The following FGF1 variants were observed in gnomAD, a reference collection of about 807,000 sequenced individuals.
The protein encoded by FGF1 is fibroblast growth factor 1.
FGF1 carries 9 observed loss-of-function variants against 13.4 expected under a neutral mutation model. That is an observed-to-expected ratio of 0.67 (90% confidence interval 0.40 to 1.17). The LOEUF (loss-of-function observed/expected upper bound fraction) is 1.17. Among genes scored for constraint, FGF1 ranks in the 50% most tolerant of loss-of-function variants. The probability of loss-of-function intolerance (pLI) is 0.01; values close to 1 mark genes in which losing one functional copy is unlikely to be tolerated. For missense variants in FGF1, 156 were observed against 192.7 expected, an observed-to-expected ratio of 0.81 and a Z score of 1.13; for synonymous variants, 93 against 79.0, an observed-to-expected ratio of 1.18 and a Z score of -0.94.
chr5:142,628,277 G>A (rs1033728875), intron 1 of FGF1, among the ~76,000 whole-genome samples: 10 of 152,170 alleles, frequency 6.6e-5, no homozygotes, highest in East Asian at 1.9e-4. Flanking sequence ...TTGAGAGGCC[G>A]AGGCAGGCAG....
chr5:142,662,136 G>A (rs1378200814), intron 1 of FGF1, among the ~76,000 whole-genome samples: 1 of 152,178 alleles, frequency 6.6e-6, no homozygotes, highest in Non-Finnish European at 1.5e-5. Context: ...GGCTGAGGGA[G>A]GGGGAAGCGG....
chr5:142,643,254 G>A (rs1765480301), intron 1 of FGF1, among the ~76,000 whole-genome samples: 2 of 151,774 alleles, frequency 1.3e-5, no homozygotes, highest in African/African-American at 4.8e-5. Flanking sequence ...TAATTTAAAA[G>A]ACAGTATCAC....
At chr5:142,670,119 C>T (rs747995185) in intron 1 of FGF1, among the ~76,000 whole-genome samples, 2 of 152,202 alleles carry the variant, frequency 1.3e-5, no homozygotes, top group African/African-American at 2.4e-5. Flanking sequence ...TCATGCTTCT[C>T]AAGAAAGATC....
Position 142,594,303 on chromosome 5 carries a change from C to G in FGF1, c.*987G>C, listed in dbSNP as rs994115562. The stretch of plus-strand genomic sequence containing the variant: ...TGCCCCCAACCCACTGAATCAGAAT[C>G]TCCATTCAAACCAGGTCCCCAGATG... On this transcript the variant is annotated 3_prime_UTR_variant, in exon 4 of 4. Transcript: ENST00000337706. The G allele has an allele frequency of 3.3e-5, 5 of 152,296 alleles. No homozygotes were observed. The highest frequency in any genetic ancestry group is 1.2e-4 in the African/African-American group (5 of 41,448). 9.4% of individuals were successfully genotyped at this position (152,296 alleles called of 1,614,324 possible). A position where few individuals can be genotyped will look rare whatever the true frequency, so the allele number is the denominator to read the frequency against.
At chr5:142,606,460 CA>C (rs200473800) in intron 2 of FGF1, among the ~76,000 whole-genome samples, 11,050 of 133,832 alleles carry the variant, frequency 0.083, 557 homozygotes, top group African/African-American at 0.16. Context: ...ACTAAAAATA[CA>C]AAAAAAAAAA....
At chr5:142,667,882 C>T (rs909533657) in intron 1 of FGF1, among the ~76,000 whole-genome samples, 1 of 152,198 alleles carries the variant, frequency 6.6e-6, no homozygotes, top group Non-Finnish European at 1.5e-5. Flanking sequence ...GACTGTCTTC[C>T]CTTTCTCAAC....
intron 1 of FGF1, among the ~76,000 whole-genome samples, chr5:142,652,699 A>G (rs1483317430): frequency 6.6e-6 from 1 of 152,186 alleles, no homozygotes; most frequent in Non-Finnish European, 1.5e-5. Context: ...ACAGCACAGA[A>G]GCAGCCCAGT....
At chr5:142,599,793 A>G (rs1756090365) in intron 3 of FGF1, among the ~76,000 whole-genome samples, 1 of 152,180 alleles carries the variant, frequency 6.6e-6, no homozygotes, top group Non-Finnish European at 1.5e-5. Flanking sequence ...GGCAGGGAAC[A>G]TGGAGGATTT....
intron 1 of FGF1, among the ~76,000 whole-genome samples, chr5:142,643,504 A>G (rs1293850135): frequency 6.6e-6 from 1 of 152,184 alleles, no homozygotes; most frequent in Non-Finnish European, 1.5e-5. Context: ...GCTGCAACCT[A>G]GGAGGCAATA....
At chr5:142,675,347 G>C (rs1182724624) in intron 1 of FGF1, among the ~76,000 whole-genome samples, 1 of 152,152 alleles carries the variant, frequency 6.6e-6, no homozygotes, top group Non-Finnish European at 1.5e-5. Context: ...TGAGGGGAGT[G>C]TGGGGGCTGC....
At chr5:142,696,338 G>T (rs1181447185) in intron 2 of FGF1, among the ~76,000 whole-genome samples, 1 of 152,142 alleles carries the variant, frequency 6.6e-6, no homozygotes, top group Non-Finnish European at 1.5e-5. Flanking sequence ...CCTGCATCTA[G>T]CCCCCTTTGT....
chr5:142,655,015 C>T (rs1233715847), intron 1 of FGF1, among the ~76,000 whole-genome samples: 1 of 152,232 alleles, frequency 6.6e-6, no homozygotes, highest in African/African-American at 2.4e-5. Context: ...GGAAAACAGT[C>T]AGTTCTTTGG....
intron 1 of FGF1, among the ~76,000 whole-genome samples, chr5:142,640,981 G>T (rs1331854415): frequency 6.6e-6 from 1 of 151,998 alleles, no homozygotes; most frequent in African/African-American, 2.4e-5. Context: ...TGTTTATTCA[G>T]TTGAATACTA....
At chr5:142,606,569 G>A (rs1757745531) in intron 2 of FGF1, among the ~76,000 whole-genome samples, 1 of 152,214 alleles carries the variant, frequency 6.6e-6, no homozygotes, top group African/African-American at 2.4e-5. Flanking sequence ...GTTGCAGTGA[G>A]CCGAGATCGT....
intron 1 of FGF1, among the ~76,000 whole-genome samples, chr5:142,646,576 C>T (rs547460043): frequency 2.3e-4 from 35 of 152,212 alleles, no homozygotes; most frequent in East Asian, 3.9e-4. Context: ...TAGTCTCAAA[C>T]GCCTGACCTC....
At chr5:142,646,416 A>G (rs1372512388) in intron 1 of FGF1, among the ~76,000 whole-genome samples, 1 of 149,712 alleles carries the variant, frequency 6.7e-6, no homozygotes, top group Non-Finnish European at 1.5e-5. Context: ...AGTGGCGCGC[A>G]ATCTCGGCTC....
intron 3 of FGF1, among the ~76,000 whole-genome samples, chr5:142,596,627 C>T (rs1755329594): frequency 6.6e-6 from 1 of 151,448 alleles, no homozygotes; most frequent in African/African-American, 2.4e-5. Flanking sequence ...TGCCTGTCCT[C>T]CTAGCTACTT....
chr5:142,627,482 C>T (rs966556310), intron 1 of FGF1, among the ~76,000 whole-genome samples: 8 of 152,182 alleles, frequency 5.3e-5, no homozygotes, highest in East Asian at 3.8e-4. Context: ...GACAATATCC[C>T]GGCATCTCTG....
intron 1 of FGF1, among the ~76,000 whole-genome samples, chr5:142,661,588 G>C (rs1769229788): frequency 1.3e-5 from 2 of 152,196 alleles, no homozygotes. Context: ...CAAATGATGA[G>C]TGGATAAGCA....
Sources: allele counts gnomAD v4.1 joint callset (sites outside exome capture counted in the v4.1 genomes callset), GRCh38; gene constraint gnomAD v4.1.1; transcripts MANE v1.5; gene names NCBI Gene and HGNC (gene_info 2026-07-23, HGNC 2026-07-21).